MYO3A: variants seen among roughly 807,000 people sequenced by gnomAD.
MYO3A encodes the protein myosin IIIA.
In MYO3A, 180 loss-of-function variants were observed where a neutral mutation model predicts 192.7. The ratio of observed to expected loss-of-function variants is 0.93; its 90% CI spans 0.83 to 1.06. The LOEUF (loss-of-function observed/expected upper bound fraction) is 1.06, where lower values mean the gene tolerates loss of function less well. Ranked by LOEUF, MYO3A falls within the 50% of genes least tolerant of loss-of-function variation. The pLI is 0.00. For synonymous variants in MYO3A, 628 were observed against 645.3 expected (o/e 0.97, Z 0.41); for missense variants, 1,896 against 1,905.0 (o/e 1.00, Z 0.09).
chr10:26,119,991 A>G (rs1272952668), intron 17 of MYO3A, among the ~76,000 whole-genome samples: 2 of 138,220 alleles, frequency 1.4e-5, no homozygotes, highest in African/African-American at 2.7e-5. Context: ...TCCTGTCTCT[A>G]TAAAATACCA....
At chr10:26,022,797 T>C (rs1312533522) in intron 8 of MYO3A, 4 of 152,206 alleles carry the variant, frequency 2.6e-5, no homozygotes, top group African/African-American at 7.2e-5. Flanking sequence ...TTGATGATAA[T>C]GCCACATGAA....
intron 6 of MYO3A, among the ~76,000 whole-genome samples, chr10:26,001,758 G>A (rs1253800043): frequency 6.6e-6 from 1 of 152,220 alleles, no homozygotes; most frequent in Non-Finnish European, 1.5e-5. Flanking sequence ...GAGGCAGGAG[G>A]ATTACTTGAG....
chr10:26,201,927 CA>C (rs1276702942), intron 33 of MYO3A, among the ~76,000 whole-genome samples: 2 of 152,140 alleles, frequency 1.3e-5, no homozygotes, highest in African/African-American at 4.8e-5. Context: ...GCAATTTGAA[CA>C]TACCTGTATT....
intron 12 of MYO3A, 77 bp from the exon 13 acceptor site, chr10:26,070,034 G>C: frequency 9.8e-7 from 1 of 1,023,026 alleles, no homozygotes; most frequent in East Asian, 2.4e-5. Flanking sequence ...TTTAAAAATT[G>C]GAGCTATATT....
intron 4 of MYO3A, among the ~76,000 whole-genome samples, chr10:25,980,304 A>G (rs1839245104): frequency 6.6e-6 from 1 of 152,016 alleles, no homozygotes; most frequent in South Asian, 2.1e-4. Flanking sequence ...AAACAAACAA[A>G]CAACAATAAG....
intron 32 of MYO3A, among the ~76,000 whole-genome samples, chr10:26,194,078 C>T (rs1435607608): frequency 1.3e-5 from 2 of 152,142 alleles, no homozygotes; most frequent in Non-Finnish European, 2.9e-5. Flanking sequence ...GTGGCTTCTA[C>T]CTGCAAAAGC....
At chr10:26,129,630 C>G (rs978495166) in intron 20 of MYO3A, among the ~76,000 whole-genome samples, 2 of 152,196 alleles carry the variant, frequency 1.3e-5, no homozygotes, top group African/African-American at 4.8e-5. Flanking sequence ...TCTTCCTTCC[C>G]CATCTGGTAC....
intron 10 of MYO3A, among the ~76,000 whole-genome samples, chr10:26,032,799 G>A (rs187912265): frequency 3.7e-4 from 57 of 152,162 alleles, no homozygotes; most frequent in African/African-American, 1.1e-3. Flanking sequence ...CCTTCCATGT[G>A]GCACAATGCA....
chr10:26,206,691 T>G (rs1371914711), intron 34 of MYO3A, among the ~76,000 whole-genome samples: 1 of 150,610 alleles, frequency 6.6e-6, no homozygotes. Flanking sequence ...TCAGGTGATC[T>G]GCCCACCTCG....
chr10:26,160,488 T>A (rs1841432330), intron 26 of MYO3A, among the ~76,000 whole-genome samples: 1 of 151,976 alleles, frequency 6.6e-6, no homozygotes, highest in Non-Finnish European at 1.5e-5. Flanking sequence ...AAAAACAATT[T>A]TTTTTAATTA....
intron 17 of MYO3A, among the ~76,000 whole-genome samples, chr10:26,106,647 T>C (rs1243591193): frequency 6.6e-6 from 1 of 152,168 alleles, no homozygotes; most frequent in African/African-American, 2.4e-5. Flanking sequence ...ATAATTAATT[T>C]CCTTTTATTG....
At chr10:26,100,923 A>G (rs1837404908) in intron 17 of MYO3A, among the ~76,000 whole-genome samples, 1 of 152,192 alleles carries the variant, frequency 6.6e-6, no homozygotes, top group Non-Finnish European at 1.5e-5. Context: ...TGCTTGTTGC[A>G]GAGCTGAGTT....
chr10:26,076,276 G>A lies in MYO3A; in HGVS notation c.1359+5875G>A, dbSNP rs200422125. Among the ~76,000 whole-genome samples, 45 of 152,062 alleles carry A rather than the reference G, an allele frequency of 3.0e-4. No individual in the cohort carries two copies. The East Asian group carries it at 6.4e-3, about 22-fold the overall frequency. On this transcript the variant is annotated intron_variant, in intron 14 of 34. Transcript: ENST00000642920. ...ATGTTGACCATTTTTTCATATGTTT[G>A]TTGGCCATTTTTACATCTTCTTTAG... is the stretch of plus-strand genomic sequence containing the variant.
intron 26 of MYO3A, among the ~76,000 whole-genome samples, chr10:26,159,618 A>G (rs1841378435): frequency 6.6e-6 from 1 of 151,998 alleles, no homozygotes; most frequent in Admixed American, 6.6e-5. Flanking sequence ...TGACCTCGTG[A>G]TCCGCCAGCC....
intron 14 of MYO3A, among the ~76,000 whole-genome samples, chr10:26,078,458 T>G (rs1835734092): frequency 6.6e-6 from 1 of 152,036 alleles, no homozygotes; most frequent in African/African-American, 2.4e-5. Context: ...ACCAGCTTTT[T>G]GTTTCATTTA....
At chr10:25,953,440 T>C (rs1837339951) in intron 3 of MYO3A, among the ~76,000 whole-genome samples, 1 of 152,092 alleles carries the variant, frequency 6.6e-6, no homozygotes, top group South Asian at 2.1e-4. Context: ...ATGCCCAGGC[T>C]TAACTGTTGC....
rs764861194 is a variant in MYO3A at position 25,952,225 on chromosome 10, T to C, written c.115T>C (p.Leu39=). ...KGTYGKVFKV[L]NKKNGQKAAV... is the part of the protein sequence containing the mutation. The stretch of plus-strand genomic sequence containing the variant: ...AACTTATGGGAAAGTTTTTAAAGTA[T>C]TGAATAAGAAAAATGGCCAAAAAGC... Residue 39 remains leucine, a synonymous_variant, in exon 3 of 35, where the codon TTG becomes CTG. Coordinates refer to ENST00000642920, the MANE Select transcript of MYO3A (RefSeq NM_017433.5). 29 of 1,612,768 alleles carry C rather than the reference T, an allele frequency of 1.8e-5. No individual in the cohort carries two copies. The South Asian group carries it at 2.9e-4, about 16-fold the overall frequency.
At position 26,032,003 on chromosome 10, in the gene MYO3A, T is replaced by C. The variant is rs560919217; in HGVS notation, c.953+5471T>C. 5.3e-5 allele frequency among the ~76,000 whole-genome samples: 8 copies of C among 152,336 alleles called. No homozygotes were observed. The South Asian group carries it at 8.3e-4, about 16-fold the overall frequency. On this transcript the variant is annotated intron_variant, in intron 10 of 34. Coordinates refer to ENST00000642920, the MANE Select transcript of MYO3A (RefSeq NM_017433.5). ...AACATGTTAACATCTTAAATTTCTT[T>C]TGTGTTTTATATACAATGCAAAATA... is the stretch of plus-strand genomic sequence containing the variant.
chr10:25,940,122 G>T (rs763881250), intron 2 of MYO3A, among the ~76,000 whole-genome samples: 1 of 151,986 alleles, frequency 6.6e-6, no homozygotes, highest in East Asian at 1.9e-4. Context: ...ACAGCCTGTA[G>T]TTACCAATTT....
Sources: allele counts gnomAD v4.1 joint callset (sites outside exome capture counted in the v4.1 genomes callset), GRCh38; gene constraint gnomAD v4.1.1; transcripts MANE v1.5; gene names NCBI Gene and HGNC (gene_info 2026-07-23, HGNC 2026-07-21).